The following CHST11 variants were observed in gnomAD, a reference collection of about 807,000 sequenced individuals.
CHST11 encodes the protein carbohydrate sulfotransferase 11, also known as C4S-1.
Under a neutral mutation model 30.4 loss-of-function variants are expected in CHST11, and 9 were observed. The ratio of observed to expected loss-of-function variants is 0.30; its 90% confidence interval spans 0.18 to 0.52. CHST11 has a LOEUF of 0.52. Ranked by LOEUF, CHST11 falls within the 20% of genes least tolerant of loss-of-function variation. The probability of loss-of-function intolerance (pLI) is 0.97; values close to 1 mark genes in which losing one functional copy is unlikely to be tolerated. For missense variants in CHST11, 348 were observed against 460.6 expected (o/e 0.76, Z 2.24); for synonymous variants, 152 against 187.8 (o/e 0.81, Z 1.56).
intron 2 of CHST11, among the ~76,000 whole-genome samples, chr12:104,719,048 G>A (rs2040153806): frequency 6.6e-6 from 1 of 152,160 alleles, no homozygotes; most frequent in Admixed American, 6.5e-5. Context: ...GTACAGAATG[G>A]GGCACAGTAA....
At chr12:104,570,096 T>G (rs989168599) in intron 1 of CHST11, among the ~76,000 whole-genome samples, 2 of 152,120 alleles carry the variant, frequency 1.3e-5, no homozygotes, top group Non-Finnish European at 2.9e-5. Context: ...AGTGAGCATC[T>G]GTAAGCTCGG....
intron 2 of CHST11, among the ~76,000 whole-genome samples, chr12:104,655,872 G>A (rs1374471412): frequency 6.6e-6 from 1 of 152,256 alleles, no homozygotes; most frequent in Non-Finnish European, 1.5e-5. Flanking sequence ...TTTCTCTCTT[G>A]TTGCAAGAAG....
chr12:104,751,867 C>A (rs1433668574), intron 2 of CHST11, among the ~76,000 whole-genome samples: 1 of 152,216 alleles, frequency 6.6e-6, no homozygotes, highest in Non-Finnish European at 1.5e-5. Context: ...CTTATCTTCA[C>A]TGTACTTTAC....
intron 1 of CHST11, among the ~76,000 whole-genome samples, chr12:104,478,996 A>G (rs1256390994): frequency 6.6e-6 from 1 of 152,156 alleles, no homozygotes; most frequent in Non-Finnish European, 1.5e-5. Flanking sequence ...TAAACAGTGC[A>G]TGTCCAAGGC....
chr12:104,530,442 G>A (rs143462338), intron 1 of CHST11, among the ~76,000 whole-genome samples: 1 of 152,260 alleles, frequency 6.6e-6, no homozygotes, highest in Non-Finnish European at 1.5e-5. Context: ...TTTATACCCA[G>A]AGGCTGGCAA....
chr12:104,559,019 C>A (rs1451084603), intron 1 of CHST11, among the ~76,000 whole-genome samples: 1 of 151,884 alleles, frequency 6.6e-6, no homozygotes, highest in East Asian at 1.9e-4. Context: ...GGACGGTAGG[C>A]TTCTGAGGCA....
Position 104,549,568 on chromosome 12 carries a change from A to T in CHST11, c.119-52338A>T, listed in dbSNP as rs186986898. ...CCTCCTAAGAGGTCCAGTGTGGGAAAACAAAGGAAGGGAAGAAATCGATGT... is the reference window on the plus strand; with the variant it reads ...CCTCCTAAGAGGTCCAGTGTGGGAATACAAAGGAAGGGAAGAAATCGATGT... On this transcript the variant is annotated intron_variant, in intron 1 of 2. Coordinates refer to ENST00000303694, the MANE Select transcript of CHST11 (RefSeq NM_018413.6). Among the ~76,000 whole-genome samples the T allele has an allele frequency of 1.1e-3, 163 of 152,298 alleles. 1 individual carries two copies. The highest frequency in any genetic ancestry group is 3.5e-3 in the African/African-American group (147 of 41,560).
chr12:104,756,718 T>C (rs1229280689), intron 2 of CHST11, among the ~76,000 whole-genome samples: 2 of 151,872 alleles, frequency 1.3e-5, no homozygotes, highest in Non-Finnish European at 2.9e-5. Flanking sequence ...TTCCTAATTT[T>C]TTAGTTTTTT....
At chr12:104,597,527 A>G (rs1031105584) in intron 1 of CHST11, among the ~76,000 whole-genome samples, 1 of 152,200 alleles carries the variant, frequency 6.6e-6, no homozygotes, top group Admixed American at 6.5e-5. Context: ...CTCCTTATAT[A>G]GCAAGAACCA....
At chr12:104,502,906 C>T (rs1593975058) in intron 1 of CHST11, among the ~76,000 whole-genome samples, 1 of 152,188 alleles carries the variant, frequency 6.6e-6, no homozygotes, top group African/African-American at 2.4e-5. Flanking sequence ...GCATAGGAAT[C>T]GCCTGGAGTT....
At chr12:104,507,374 T>C (rs1449146690) in intron 1 of CHST11, among the ~76,000 whole-genome samples, 1 of 152,178 alleles carries the variant, frequency 6.6e-6, no homozygotes, top group African/African-American at 2.4e-5. Flanking sequence ...TTTTGCTGCT[T>C]CCTTGAGAGA....
At chr12:104,675,247 G>A (rs557452701) in intron 2 of CHST11, among the ~76,000 whole-genome samples, 70 of 152,326 alleles carry the variant, frequency 4.6e-4, no homozygotes, top group Non-Finnish European at 4.9e-4. Flanking sequence ...GAGGTTTACC[G>A]TTGAAATAGA....
At chr12:104,481,973 G>A (rs1252523335) in intron 1 of CHST11, among the ~76,000 whole-genome samples, 1 of 151,194 alleles carries the variant, frequency 6.6e-6, no homozygotes, top group Admixed American at 6.6e-5. Context: ...GAGTAGCTGG[G>A]ATTACAGGAA....
At chr12:104,553,501 G>T in intron 1 of CHST11, 1 of 153,266 alleles carries the variant, frequency 6.5e-6, no homozygotes, top group Non-Finnish European at 1.5e-5. Flanking sequence ...TGGCTGGGAG[G>T]CCTCAGGGAA....
At chr12:104,563,070 T>C (rs2038529327) in intron 1 of CHST11, among the ~76,000 whole-genome samples, 1 of 152,126 alleles carries the variant, frequency 6.6e-6, no homozygotes, top group Admixed American at 6.5e-5. Context: ...AGATGTAGTC[T>C]TGCTCTGTTG....
intron 1 of CHST11, among the ~76,000 whole-genome samples, chr12:104,582,824 G>A (rs2038759986): frequency 6.6e-6 from 1 of 151,360 alleles, no homozygotes; most frequent in South Asian, 2.1e-4. Context: ...TATAGAGCCG[G>A]AACTCCAAAT....
At chr12:104,673,800 C>T (rs1271749814) in intron 2 of CHST11, among the ~76,000 whole-genome samples, 1 of 152,232 alleles carries the variant, frequency 6.6e-6, no homozygotes, top group Non-Finnish European at 1.5e-5. Context: ...CTCTCTGAGT[C>T]TGGCAGAACA....
At chr12:104,473,415 AGT>A (rs2037529309) in intron 1 of CHST11, among the ~76,000 whole-genome samples, 1 of 152,186 alleles carries the variant, frequency 6.6e-6, no homozygotes, top group African/African-American at 2.4e-5. Flanking sequence ...AGAAAGGGAA[AGT>A]GTGTAAATAG....
chr12:104,647,043 T>C (rs2039439919), intron 2 of CHST11, among the ~76,000 whole-genome samples: 1 of 152,252 alleles, frequency 6.6e-6, no homozygotes, highest in Non-Finnish European at 1.5e-5. Context: ...CTTTTAATGA[T>C]GAGCATTGCC....
Sources: gnomAD v4.1 joint callset for allele counts (sites outside exome capture counted in the v4.1 genomes callset) on GRCh38, gnomAD v4.1.1 for gene constraint, MANE v1.5 for transcripts, NCBI Gene and HGNC (gene_info 2026-07-23, HGNC 2026-07-21) for gene names.